CBFA2T3: variants seen among roughly 807,000 people sequenced by gnomAD.
The protein encoded by CBFA2T3 is CBFA2/RUNX1 partner transcriptional co-repressor 3, also known as transcriptional corepressor CBFA2T3.
A neutral mutation model predicts 58.6 loss-of-function variants in CBFA2T3; 31 were observed. That is an observed-to-expected ratio of 0.53 (90% CI 0.40 to 0.71). CBFA2T3 has a LOEUF of 0.71. Among genes scored for constraint, CBFA2T3 ranks in the 30% least tolerant of loss-of-function variants. The pLI is 0.00. For synonymous variants in CBFA2T3, 531 were observed against 421.9 expected (o/e 1.26, Z -3.17); for missense variants, 1,076 against 963.1 (o/e 1.12, Z -1.55).
At chr16:88,938,712 G>A (rs1005674031) in intron 1 of CBFA2T3, 7 of 152,208 alleles carry the variant, frequency 4.6e-5, no homozygotes, top group Non-Finnish European at 8.8e-5. Flanking sequence ...GAACACCCGC[G>A]TGGCACACAC....
intron 1 of CBFA2T3, among the ~76,000 whole-genome samples, chr16:88,911,559 G>A (rs1473801655): frequency 6.6e-6 from 1 of 152,274 alleles, no homozygotes; most frequent in Non-Finnish European, 1.5e-5. Flanking sequence ...CTGCAGGAAC[G>A]GAGTTGGCTT....
At chr16:88,931,952 CCT>C (rs1200112333) in intron 1 of CBFA2T3, among the ~76,000 whole-genome samples, 2 of 152,232 alleles carry the variant, frequency 1.3e-5, no homozygotes, top group East Asian at 1.9e-4. Flanking sequence ...GTGGGGATCC[CCT>C]GTGAGTCTGG....
chr16:88,876,658 G>A lies in CBFA2T3; in HGVS notation c.*318C>T, dbSNP rs888416309. On this transcript the variant is annotated 3_prime_UTR_variant, in exon 12 of 12. Transcript: ENST00000268679. Reference sequence around the variant, plus strand: ...GAGGAAAAGAGAGGTGGGCAGAGCCGCCGCGCCTGCGGCATCTGCTCTGCT... The same window carrying A: ...GAGGAAAAGAGAGGTGGGCAGAGCCACCGCGCCTGCGGCATCTGCTCTGCT... 5 of 340,170 alleles carry A rather than the reference G, an allele frequency of 1.5e-5. No homozygotes were observed. The highest frequency in any genetic ancestry group is 4.9e-5 in the Admixed American group (1 of 20,584). The allele number at this position is 340,170 out of a possible 1,614,324, so 21.1% of individuals were successfully genotyped here.
At chr16:88,948,234 G>A (rs1450720204) in intron 1 of CBFA2T3, among the ~76,000 whole-genome samples, 4 of 152,202 alleles carry the variant, frequency 2.6e-5, no homozygotes, top group Non-Finnish European at 4.4e-5. Context: ...CTGACAAATC[G>A]GTTCTGTCCC....
In CBFA2T3 at chr16:88,898,075, T is replaced by C. The variant is rs1167866173; in HGVS notation, c.379+3A>G. 19 of 1,607,086 alleles carry C rather than the reference T, an allele frequency of 1.2e-5. No individual in the cohort carries two copies. The highest frequency in any genetic ancestry group is 1.5e-5 in the Non-Finnish European group (18 of 1,175,176). On this transcript the variant is annotated splice_donor_region_variant and intron_variant, in intron 3 of 11. Coordinates refer to ENST00000268679, the MANE Select transcript of CBFA2T3 (RefSeq NM_005187.6). ...GGCCTGCGGTTTTTGTTATTTTACT[T>C]ACAGAGACAGACCATAGACCATTTT... is the stretch of plus-strand genomic sequence containing the variant.
At chr16:88,967,554 T>A (rs1972546098) in intron 1 of CBFA2T3, among the ~76,000 whole-genome samples, 1 of 152,112 alleles carries the variant, frequency 6.6e-6, no homozygotes, top group African/African-American at 2.4e-5. Flanking sequence ...AACCCCTTGA[T>A]CCCATCTCGC....
intron 10 of CBFA2T3, chr16:88,879,830 C>T (rs561703095): frequency 4.5e-6 from 1 of 221,894 alleles, no homozygotes; most frequent in African/African-American, 2.2e-5. Context: ...CACCCCAGGG[C>T]CTGGTCAGCC....
chr16:88,897,772 G>A (rs969478449), intron 3 of CBFA2T3, among the ~76,000 whole-genome samples: 3 of 152,200 alleles, frequency 2.0e-5, no homozygotes, highest in Admixed American at 1.3e-4. Flanking sequence ...CCCTCCCCTC[G>A]GCACTCGCAG....
rs1292513360 is a variant in CBFA2T3, at chr16:88,970,809, G to T, written c.151+5848C>A. Among the ~76,000 whole-genome samples, 6 of 152,378 alleles carry T rather than the reference G, an allele frequency of 3.9e-5. No homozygotes were observed. In the South Asian group the frequency reaches 1.2e-3, roughly 32 times the overall value. On this transcript the variant is annotated intron_variant, in intron 1 of 11. Coordinates refer to ENST00000268679, the MANE Select transcript of CBFA2T3 (RefSeq NM_005187.6). ...CTGCTGAGGGCCCTGCTGCAAGCAG[G>T]CACCAGAGCCCCTGTCTCGTGCAGC...
chr16:88,967,828 C>T (rs1439403200), intron 1 of CBFA2T3, among the ~76,000 whole-genome samples: 4 of 152,340 alleles, frequency 2.6e-5, no homozygotes, highest in Middle Eastern at 3.4e-3. Context: ...GAACTCAGGA[C>T]GCCCCCTGCC....
chr16:88,879,286 T>A lies in CBFA2T3; in HGVS notation c.1646A>T (p.Gln549Leu). Reference sequence around the variant, plus strand: ...TGGCCCTACCTCGCTGGAGTCCTCCTGCTGGTTGATGACCGTCAGGGCGTC... The same window carrying A: ...TGGCCCTACCTCGCTGGAGTCCTCCAGCTGGTTGATGACCGTCAGGGCGTC... ...SEDALTVINQ[Q>L]EDSSESCWNC... is the part of the protein sequence containing the mutation. The change falls in exon 11 of 12, where the codon CAG (glutamine) becomes CTG (leucine). Residue 549 changes from glutamine (Q) to leucine (L), a missense_variant. Physicochemically the swap from Gln to Leu is moderately radical, Grantham distance 113 (BLOSUM62 -2). Coordinates refer to ENST00000268679, the MANE Select transcript of CBFA2T3 (RefSeq NM_005187.6). The A allele has an allele frequency of 6.2e-7, 1 of 1,600,778 alleles. No homozygotes were observed. The highest frequency in any genetic ancestry group is 8.5e-7 in the Non-Finnish European group (1 of 1,173,108).
chr16:88,967,141 G>A (rs1165738778), intron 1 of CBFA2T3, among the ~76,000 whole-genome samples: 3 of 91,792 alleles, frequency 3.3e-5, no homozygotes, highest in African/African-American at 7.3e-5. Flanking sequence ...ACTCGGCCCC[G>A]ACACGCGGCA....
chr16:88,940,981 T>C (rs984240478), intron 1 of CBFA2T3: 3 of 935,260 alleles, frequency 3.2e-6, no homozygotes, highest in South Asian at 9.6e-5. Flanking sequence ...GGAGTCGGGG[T>C]AGAGCGGCGG....
intron 1 of CBFA2T3, among the ~76,000 whole-genome samples, chr16:88,965,809 T>C (rs1284946013): frequency 6.6e-6 from 1 of 152,130 alleles, no homozygotes; most frequent in Non-Finnish European, 1.5e-5. Flanking sequence ...AGCAATTTCA[T>C]CTTATAGGGG....
intron 1 of CBFA2T3, among the ~76,000 whole-genome samples, chr16:88,943,707 A>G (rs1971823354): frequency 6.6e-6 from 1 of 152,132 alleles, no homozygotes; most frequent in African/African-American, 2.4e-5. Flanking sequence ...CGCCCATTTT[A>G]CAGGTGGAGA....
At chr16:88,894,195 G>A (rs1392779829) in intron 3 of CBFA2T3, among the ~76,000 whole-genome samples, 2 of 145,502 alleles carry the variant, frequency 1.4e-5, no homozygotes, top group Non-Finnish European at 3.0e-5. Context: ...ATATACACAT[G>A]CACACAATGT....
chr16:88,937,196 G>A (rs1353621275), intron 1 of CBFA2T3: 2 of 152,270 alleles, frequency 1.3e-5, no homozygotes, highest in Non-Finnish European at 1.5e-5. Flanking sequence ...AAGTCAGGAG[G>A]TGGAGAATAA....
chr16:88,951,719 G>A lies in CBFA2T3; in HGVS notation c.151+24938C>T, dbSNP rs538829988. ...AGGAGGAGGGCAGGTGACCACACGC[G>A]GCCAATCACAATCCTTCCCTGGGAG... On this transcript the variant is annotated intron_variant, in intron 1 of 11. Coordinates refer to ENST00000268679, the MANE Select transcript of CBFA2T3 (RefSeq NM_005187.6). 3.9e-5 allele frequency among the ~76,000 whole-genome samples: 6 copies of A among 152,220 alleles called. No individual in the cohort carries two copies. The South Asian group carries it at 1.2e-3, about 32-fold the overall frequency.
intron 9 of CBFA2T3, chr16:88,881,045 G>A (rs753899362): frequency 1.4e-5 from 10 of 703,170 alleles, no homozygotes; most frequent in Non-Finnish European, 2.3e-5. Context: ...AGCATTCGTC[G>A]CTGAGGCGGA....
Sources: allele counts gnomAD v4.1 joint callset (sites outside exome capture counted in the v4.1 genomes callset), GRCh38; gene constraint gnomAD v4.1.1; transcripts MANE v1.5; gene names NCBI Gene and HGNC (gene_info 2026-07-23, HGNC 2026-07-21).